Variants in PPFIBP2 observed in about 807,000 individuals in gnomAD.
PPFIBP2 encodes liprin-beta-2.
Under a neutral mutation model 118.3 loss-of-function variants are expected in PPFIBP2, and 118 were observed. The observed-to-expected ratio is 1.00, with a 90% CI of 0.86 to 1.16. The LOEUF (loss-of-function observed/expected upper bound fraction) is 1.16, where lower values mean the gene tolerates loss of function less well. Ranked by LOEUF, PPFIBP2 falls within the 50% of genes most tolerant of loss-of-function variation. The probability of loss-of-function intolerance (pLI) is 0.00; values close to 1 mark genes in which losing one functional copy is unlikely to be tolerated. For synonymous variants in PPFIBP2, 414 were observed against 397.4 expected, an observed-to-expected ratio of 1.04 and a Z score of -0.50; for missense variants, 1,195 against 1,073.1, an observed-to-expected ratio of 1.11 and a Z score of -1.59.
At chr11:7,565,184 G>C (rs1039485575) in intron 2 of PPFIBP2, among the ~76,000 whole-genome samples, 1 of 152,146 alleles carries the variant, frequency 6.6e-6, no homozygotes, top group Non-Finnish European at 1.5e-5. Flanking sequence ...TTTTTACACT[G>C]TCCAGCCCGA....
intron 3 of PPFIBP2, among the ~76,000 whole-genome samples, chr11:7,592,399 T>G (rs980410330): frequency 1.2e-4 from 18 of 152,176 alleles, no homozygotes; most frequent in African/African-American, 4.3e-4. Context: ...TTCTATAGTT[T>G]CTGGCTACCT....
chr11:7,641,251 T>G (rs1413166810), intron 15 of PPFIBP2, among the ~76,000 whole-genome samples: 1 of 152,198 alleles, frequency 6.6e-6, no homozygotes, highest in Non-Finnish European at 1.5e-5. Flanking sequence ...TCCTTAAAAT[T>G]AAAGACATTA....
At chr11:7,577,311 A>G (rs1454122819) in intron 3 of PPFIBP2, 4 of 224,876 alleles carry the variant, frequency 1.8e-5, no homozygotes, top group East Asian at 2.2e-4. Flanking sequence ...GTGTGCGTGC[A>G]TGTATGTGCG....
At chr11:7,597,702 G>C in intron 5 of PPFIBP2, 29 bp downstream of exon 5, 1 of 1,565,820 alleles carries the variant, frequency 6.4e-7, no homozygotes, top group Non-Finnish European at 8.8e-7. Context: ...AAGGCCCTTG[G>C]GTGCCGAAGC....
intron 21 of PPFIBP2, 162 bp from the exon 22 acceptor site, chr11:7,650,678 G>T: frequency 1.8e-6 from 1 of 569,958 alleles, no homozygotes; most frequent in East Asian, 3.0e-5. Flanking sequence ...CTAGAAACTG[G>T]GGAGGCTGGT....
Position 7,650,856 on chromosome 11 carries a change from C to T in PPFIBP2, c.2138C>T (p.Ser713Leu), listed in dbSNP as rs776033358. The T allele has an allele frequency of 8.7e-6, 14 of 1,613,790 alleles. No individual in the cohort carries two copies. Among genetic ancestry groups the T allele is most frequent in the Non-Finnish European group, 1.2e-5 (14 of 1,179,854 alleles). Residue 713 changes from serine to leucine, a missense_variant, in exon 22 of 24, where the codon TCA becomes TTA. Coordinates refer to ENST00000299492, the MANE Select transcript of PPFIBP2 (RefSeq NM_003621.5). Reference sequence around the variant, plus strand: ...CTCTGACAGAGTAACCTTTCTCCTTCAGAAGTTGTACAGTGGTCCAACCAC... The same window carrying T: ...CTCTGACAGAGTAACCTTTCTCCTTTAGAAGTTGTACAGTGGTCCAACCAC... ...RPADESNLSPSEVVQWSNHRV... is the reference protein window; with the variant it reads ...RPADESNLSPLEVVQWSNHRV...
At position 7,651,788 on chromosome 11, in the gene PPFIBP2, C is replaced by A; in HGVS notation, c.2380C>A (p.Arg794=). 1 of 1,613,886 alleles carries A rather than the reference C, an allele frequency of 6.2e-7. No individual in the cohort carries two copies. The highest frequency in any genetic ancestry group is 8.5e-7 in the Non-Finnish European group (1 of 1,179,780). Residue 794 remains arginine (R), a synonymous_variant, in exon 23 of 24, where the codon CGA becomes AGA. Transcript: ENST00000299492. ...LIGPEAEQEK[R]EKMASPAYTP... ...TGGTCCGGAGGCTGAACAGGAGAAG[C>A]GAGAGAAAATGGCCTCACCAGCTTA...
chr11:7,571,213 T>A (rs751505354), intron 3 of PPFIBP2, among the ~76,000 whole-genome samples: 2 of 152,120 alleles, frequency 1.3e-5, no homozygotes, highest in Non-Finnish European at 2.9e-5. Flanking sequence ...TTAACTAGTT[T>A]CCCAAGAAAC....
At chr11:7,567,376 T>G (rs1325845243) in intron 3 of PPFIBP2, among the ~76,000 whole-genome samples, 1 of 152,240 alleles carries the variant, frequency 6.6e-6, no homozygotes, top group Non-Finnish European at 1.5e-5. Flanking sequence ...TCAAGATGCA[T>G]TGGTAGAAAA....
intron 17 of PPFIBP2, among the ~76,000 whole-genome samples, chr11:7,645,038 A>C (rs1201143112): frequency 2.4e-5 from 3 of 124,198 alleles, no homozygotes; most frequent in East Asian, 3.9e-4. Flanking sequence ...AAAAAAAAAA[A>C]AAAAAAAAAA....
intron 3 of PPFIBP2, among the ~76,000 whole-genome samples, chr11:7,579,271 C>G (rs905013764): frequency 6.6e-6 from 1 of 152,182 alleles, no homozygotes; most frequent in African/African-American, 2.4e-5. Flanking sequence ...ACCCTGTTCT[C>G]TATCTCCCAG....
downstream of PPFIBP2, chr11:7,655,437 C>T (rs953951570): frequency 7.8e-6 from 10 of 1,289,654 alleles, no homozygotes; most frequent in African/African-American, 1.4e-4. Context: ...TTACAGATGG[C>T]ACCTTCGGAA....
At chr11:7,529,204 C>T (rs960965090) in intron 1 of PPFIBP2, among the ~76,000 whole-genome samples, 1 of 152,146 alleles carries the variant, frequency 6.6e-6, no homozygotes, top group Non-Finnish European at 1.5e-5. Flanking sequence ...ATAAGGTACA[C>T]TGTGAGAACC....
At chr11:7,590,924 T>C (rs1859149837) in intron 3 of PPFIBP2, among the ~76,000 whole-genome samples, 1 of 152,244 alleles carries the variant, frequency 6.6e-6, no homozygotes, top group Non-Finnish European at 1.5e-5. Context: ...GGAATAATTA[T>C]GCTTCTCCTA....
At chr11:7,655,560 G>T, downstream of PPFIBP2, 1 of 1,204,516 alleles carries the variant, frequency 8.3e-7, no homozygotes, top group South Asian at 1.3e-5. Context: ...TGAGTTTGGT[G>T]TGGTGTGGTG....
rs150393860 is a variant in PPFIBP2, at chr11:7,519,613, T to C, written c.-37+5492T>C. On this transcript the variant is annotated intron_variant, in intron 1 of 23. Coordinates refer to ENST00000299492, the MANE Select transcript of PPFIBP2 (RefSeq NM_003621.5). Reference sequence around the variant, plus strand: ...TTATGAGGCAGCCTAGAGGGCTGTTTTTTAGAATGGAGGGCCGGGAGTTTC... The same window carrying C: ...TTATGAGGCAGCCTAGAGGGCTGTTCTTTAGAATGGAGGGCCGGGAGTTTC... 4.3e-3 allele frequency among the ~76,000 whole-genome samples: 658 copies of C among 152,158 alleles called. 6 individuals carry two copies. The highest frequency in any genetic ancestry group is 0.015 in the African/African-American group (633 of 41,496).
chr11:7,653,337 T>G lies in PPFIBP2; in HGVS notation c.*119T>G, dbSNP rs1321423626. ...TGACTCGCAGAGAATATTCCAGCAA[T>G]TGTGTACCCCTGGGCCAGTCTCTTT... On this transcript the variant is annotated 3_prime_UTR_variant, in exon 24 of 24. Coordinates refer to ENST00000299492, the MANE Select transcript of PPFIBP2 (RefSeq NM_003621.5). The G allele has an allele frequency of 1.3e-6, 2 of 1,506,896 alleles. No individual in the cohort carries two copies. Among genetic ancestry groups the G allele is most frequent in the Non-Finnish European group, 1.8e-6 (2 of 1,131,666 alleles). 93.3% of individuals were successfully genotyped at this position (1,506,896 alleles called of 1,614,324 possible). A position where few individuals can be genotyped will look rare whatever the true frequency, so the allele number is the denominator to read the frequency against.
At chr11:7,622,895 C>T (rs1849518802) in intron 7 of PPFIBP2, among the ~76,000 whole-genome samples, 1 of 152,218 alleles carries the variant, frequency 6.6e-6, no homozygotes, top group African/African-American at 2.4e-5. Context: ...TTTAACACCC[C>T]AGCTCTTTGT....
chr11:7,524,969 G>C (rs1431489490), intron 1 of PPFIBP2, among the ~76,000 whole-genome samples: 4 of 152,142 alleles, frequency 2.6e-5, no homozygotes, highest in Non-Finnish European at 5.9e-5. Flanking sequence ...TGCTCACCTG[G>C]TAACAACAAC....
Sources: allele counts gnomAD v4.1 joint callset (sites outside exome capture counted in the v4.1 genomes callset), GRCh38; gene constraint gnomAD v4.1.1; transcripts MANE v1.5; gene names NCBI Gene and HGNC (gene_info 2026-07-23, HGNC 2026-07-21).